CSNK1G3: variants seen among roughly 807,000 people sequenced by gnomAD.
CSNK1G3 encodes the protein casein kinase 1 gamma 3, also known as casein kinase I isoform gamma-3.
In CSNK1G3, 23 loss-of-function variants were observed where a neutral mutation model predicts 64.3. The ratio of observed to expected loss-of-function variants is 0.36; its 90% CI spans 0.26 to 0.51. The LOEUF (loss-of-function observed/expected upper bound fraction) is 0.51. Among genes scored for constraint, CSNK1G3 ranks in the 20% least tolerant of loss-of-function variants. CSNK1G3 has a pLI of 0.96. For missense variants in CSNK1G3, 357 were observed against 510.5 expected, an observed-to-expected ratio of 0.70 and a Z score of 2.90; for synonymous variants, 158 against 162.2, an observed-to-expected ratio of 0.97 and a Z score of 0.20.
At chr5:123,516,028 A>C (rs539863399) in intron 1 of CSNK1G3, among the ~76,000 whole-genome samples, 5 of 152,272 alleles carry the variant, frequency 3.3e-5, no homozygotes, top group African/African-American at 1.2e-4. Flanking sequence ...GTCTTAAGCC[A>C]CCAATGATCT....
At chr5:123,561,540 A>G (rs1785719554) in intron 4 of CSNK1G3, among the ~76,000 whole-genome samples, 1 of 152,230 alleles carries the variant, frequency 6.6e-6, no homozygotes, top group Non-Finnish European at 1.5e-5. Flanking sequence ...CTCAAAAGTA[A>G]GGAACCAGGC....
At chr5:123,533,806 GTTTT>G (rs908705062) in intron 1 of CSNK1G3, among the ~76,000 whole-genome samples, 3 of 150,498 alleles carry the variant, frequency 2.0e-5, no homozygotes, top group Non-Finnish European at 4.4e-5. Flanking sequence ...TCCCCCAGAG[GTTTT>G]TTCTTTTTTT....
chr5:123,604,109 A>T (rs1043841902), intron 10 of CSNK1G3, among the ~76,000 whole-genome samples: 1 of 152,140 alleles, frequency 6.6e-6, no homozygotes, highest in South Asian at 2.1e-4. Flanking sequence ...AGTAATAGAG[A>T]TGGTGAGAAT....
In CSNK1G3 at chr5:123,577,184, T is replaced by C. The variant is rs1272655349; in HGVS notation, c.673+1221T>C. On this transcript the variant is annotated intron_variant, in intron 6 of 12. Coordinates refer to ENST00000345990, the Ensembl canonical transcript of CSNK1G3. ...CAGCAAGTTCTTATAAACAAACTCA[T>C]CTTGTAGTTTCTCTTCTGCAGCCCC... Among the ~76,000 whole-genome samples, 4 of 152,062 alleles carry C rather than the reference T, an allele frequency of 2.6e-5. No individual in the cohort carries two copies. In the East Asian group the frequency reaches 5.8e-4, roughly 22 times the overall value.
chr5:123,601,370 A>G (rs1366300696), intron 10 of CSNK1G3, among the ~76,000 whole-genome samples: 2 of 152,176 alleles, frequency 1.3e-5, no homozygotes, highest in Non-Finnish European at 2.9e-5. Context: ...ATGAAAGTCA[A>G]CAGCAGTATC....
chr5:123,612,885 A>G (rs1277666739), intron 12 of CSNK1G3, among the ~76,000 whole-genome samples: 1 of 152,226 alleles, frequency 6.6e-6, no homozygotes, highest in Non-Finnish European at 1.5e-5. Flanking sequence ...ATCACCATGT[A>G]TATAAATATA....
intron 5 of CSNK1G3, among the ~76,000 whole-genome samples, chr5:123,573,981 C>A (rs575937291): frequency 6.6e-6 from 1 of 151,928 alleles, no homozygotes; most frequent in East Asian, 1.9e-4. Context: ...TCCCGAGTAG[C>A]TGGGACAACA....
In CSNK1G3 at chr5:123,512,178, A is replaced by G. The variant is rs74913711; in HGVS notation, c.-640A>G. 9.2e-5 allele frequency: 14 copies of G among 151,694 alleles called. No individual in the cohort carries two copies. Among genetic ancestry groups the G allele is most frequent in the African/African-American group, 3.1e-4 (13 of 41,292 alleles). The allele number at this position is 151,694 out of a possible 1,614,324, so 9.4% of individuals were successfully genotyped here. On this transcript the variant is annotated 5_prime_UTR_variant, in exon 1 of 13. The change abolishes an upstream ATG in the 5' untranslated region. Coordinates refer to ENST00000345990, the Ensembl canonical transcript of CSNK1G3. The stretch of plus-strand genomic sequence containing the variant: ...CGCTTTCCTTTTTAATTTTTTTTCC[A>G]TGTGTTCACTTCCGGGTCCGGCGTC...
At chr5:123,543,627 G>C (rs1782046468) in intron 1 of CSNK1G3, among the ~76,000 whole-genome samples, 1 of 152,134 alleles carries the variant, frequency 6.6e-6, no homozygotes, top group South Asian at 2.1e-4. Flanking sequence ...TCACCTCTTT[G>C]TGCTGTGGTC....
rs1796364023 is a variant in CSNK1G3 at position 123,611,669 on chromosome 5, A to G, written c.1218-2673A>G. Reference sequence around the variant, plus strand: ...TTAAATTGCCCATTTCAAAGGGCTAATACAACTTTAGAAAATTTTGAAAGA... The same window carrying G: ...TTAAATTGCCCATTTCAAAGGGCTAGTACAACTTTAGAAAATTTTGAAAGA... On this transcript the variant is annotated intron_variant, in intron 12 of 12. Transcript: ENST00000345990. 2.0e-5 allele frequency among the ~76,000 whole-genome samples: 3 copies of G among 152,230 alleles called. No individual in the cohort carries two copies. The South Asian group carries it at 6.2e-4, about 31-fold the overall frequency.
intron 12 of CSNK1G3, among the ~76,000 whole-genome samples, chr5:123,612,702 T>C (rs1044094030): frequency 6.6e-6 from 1 of 152,102 alleles, no homozygotes; most frequent in Non-Finnish European, 1.5e-5. Context: ...GGTCTTGAAC[T>C]CCTGACCTTG....
At chr5:123,564,241 T>C (rs920486649) in intron 4 of CSNK1G3, among the ~76,000 whole-genome samples, 2 of 152,008 alleles carry the variant, frequency 1.3e-5, no homozygotes, top group African/African-American at 4.8e-5. Context: ...TGTTAACTGA[T>C]AGTGGTTTTA....
intron 12 of CSNK1G3, among the ~76,000 whole-genome samples, chr5:123,607,039 T>C (rs1795481684): frequency 6.6e-6 from 1 of 152,116 alleles, no homozygotes; most frequent in South Asian, 2.1e-4. Flanking sequence ...CACAGTTATT[T>C]AGTTGGGATG....
intron 4 of CSNK1G3, among the ~76,000 whole-genome samples, chr5:123,572,886 T>G (rs1349087842): frequency 1.3e-5 from 2 of 152,216 alleles, no homozygotes; most frequent in Admixed American, 6.5e-5. Context: ...TAAGTTAGCC[T>G]GGTCACAATA....
At chr5:123,570,304 T>C (rs1787819309) in intron 4 of CSNK1G3, among the ~76,000 whole-genome samples, 1 of 152,000 alleles carries the variant, frequency 6.6e-6, no homozygotes, top group Non-Finnish European at 1.5e-5. Flanking sequence ...GGAATATAGA[T>C]GGTGATTCAG....
chr5:123,588,368 G>T, intron 7 of CSNK1G3, 59 bp from the exon 8 acceptor site: 1 of 1,350,692 alleles, frequency 7.4e-7, no homozygotes, highest in Non-Finnish European at 1.1e-6. Context: ...ACCGTGTGCA[G>T]TCCCAGCTAA....
At chr5:123,530,483 C>T (rs1307308294) in intron 1 of CSNK1G3, among the ~76,000 whole-genome samples, 1 of 152,122 alleles carries the variant, frequency 6.6e-6, no homozygotes, top group African/African-American at 2.4e-5. Context: ...CATGTACATT[C>T]ATTTAAAGCC....
At chr5:123,536,745 A>T (rs1031550578) in intron 1 of CSNK1G3, among the ~76,000 whole-genome samples, 3 of 152,158 alleles carry the variant, frequency 2.0e-5, no homozygotes, top group African/African-American at 7.2e-5. Context: ...AAGTGGCATT[A>T]GAAGAAGAAA....
chr5:123,531,373 C>G (rs1021449250), intron 1 of CSNK1G3, among the ~76,000 whole-genome samples: 20 of 151,992 alleles, frequency 1.3e-4, no homozygotes, highest in African/African-American at 4.3e-4. Flanking sequence ...TTGGCTTTGT[C>G]AAGTCCTAAA....
Sources: allele counts gnomAD v4.1 joint callset (sites outside exome capture counted in the v4.1 genomes callset), GRCh38; gene constraint gnomAD v4.1.1; transcripts MANE v1.5; gene names NCBI Gene and HGNC (gene_info 2026-07-23, HGNC 2026-07-21).